ADAMTS3: variants seen among roughly 807,000 people sequenced by gnomAD.
ADAMTS3 encodes the protein ADAM metallopeptidase with thrombospondin type 1 motif 3.
In ADAMTS3, 73 loss-of-function variants were observed where a neutral mutation model predicts 129.0. The observed-to-expected ratio is 0.57, with a 90% CI of 0.47 to 0.69. The LOEUF is 0.69. ADAMTS3 is among the 30% of genes least tolerant of loss of function. The pLI is 0.00. For missense variants in ADAMTS3, 1,457 were observed against 1,514.5 expected, an observed-to-expected ratio of 0.96 and a Z score of 0.63; for synonymous variants, 477 against 510.8, an observed-to-expected ratio of 0.93 and a Z score of 0.89.
intron 3 of ADAMTS3, among the ~76,000 whole-genome samples, chr4:72,485,016 G>A (rs1227188365): frequency 6.6e-6 from 1 of 152,006 alleles, no homozygotes; most frequent in East Asian, 1.9e-4. Flanking sequence ...TCAGTAAGAT[G>A]AAATGGGTTG....
intron 4 of ADAMTS3, among the ~76,000 whole-genome samples, chr4:72,349,038 T>C (rs1720360668): frequency 6.6e-6 from 1 of 151,984 alleles, no homozygotes; most frequent in African/African-American, 2.4e-5. Flanking sequence ...TAGGCATTGT[T>C]TTAAGCTATT....
chr4:72,391,284 T>C (rs1358941420), intron 4 of ADAMTS3, among the ~76,000 whole-genome samples: 1 of 152,256 alleles, frequency 6.6e-6, no homozygotes, highest in African/African-American at 2.4e-5. Context: ...ACTTTGTGTA[T>C]ATTGTCTCTC....
intron 4 of ADAMTS3, among the ~76,000 whole-genome samples, chr4:72,365,061 G>C (rs1156813993): frequency 6.6e-6 from 1 of 152,168 alleles, no homozygotes; most frequent in African/African-American, 2.4e-5. Flanking sequence ...ACAGGGCCTG[G>C]CACATAAGGA....
chr4:72,414,707 G>A (rs1000861653), intron 4 of ADAMTS3, 108 bp downstream of exon 4: 35 of 855,700 alleles, frequency 4.1e-5, no homozygotes, highest in African/African-American at 7.0e-5. Context: ...TTCTATCTCC[G>A]CGTTATACAA....
intron 3 of ADAMTS3, among the ~76,000 whole-genome samples, chr4:72,477,177 T>C (rs1719259947): frequency 6.6e-6 from 1 of 152,136 alleles, no homozygotes; most frequent in African/African-American, 2.4e-5. Flanking sequence ...AACTCAGCTC[T>C]GTACCAAGCG....
At chr4:72,480,559 G>A (rs530530526) in intron 3 of ADAMTS3, among the ~76,000 whole-genome samples, 66 of 151,906 alleles carry the variant, frequency 4.3e-4, no homozygotes, top group African/African-American at 1.3e-3. Flanking sequence ...GTCGGGGGAC[G>A]GGGGAGGGAT....
chr4:72,425,894 C>T lies in ADAMTS3; in HGVS notation c.505-10923G>A, dbSNP rs533293880. 1.2e-3 allele frequency among the ~76,000 whole-genome samples: 181 copies of T among 151,730 alleles called. 1 individual carries two copies. Among genetic ancestry groups the T allele is most frequent in the African/African-American group, 4.0e-3 (164 of 41,384 alleles). On this transcript the variant is annotated intron_variant, in intron 3 of 21. Transcript: ENST00000286657. ...AAATGGTATTTCTAGTTCTAGATCCCTGAGGAATCACCACACTGACTTCCA... is the reference window on the plus strand; with the variant it reads ...AAATGGTATTTCTAGTTCTAGATCCTTGAGGAATCACCACACTGACTTCCA...
In ADAMTS3 at chr4:72,309,380, G is replaced by T. The variant is rs778569091; in HGVS notation, c.2179+17C>A. 6.2e-7 allele frequency: 1 copy of T among 1,610,126 alleles called. No individual in the cohort carries two copies. The highest frequency in any genetic ancestry group is 1.7e-5 in the Admixed American group (1 of 59,836). ...TCACAGAGAAGAATACTAAATCCAT[G>T]AGAGACCTCATCTTACCAAGCTTCC... is the stretch of plus-strand genomic sequence containing the variant. On this transcript the variant is annotated intron_variant, in intron 15 of 21. Coordinates refer to ENST00000286657, the MANE Select transcript of ADAMTS3 (RefSeq NM_014243.3).
chr4:72,351,352 G>T (rs1720430229), intron 4 of ADAMTS3, among the ~76,000 whole-genome samples: 2 of 151,810 alleles, frequency 1.3e-5, no homozygotes, highest in African/African-American at 4.8e-5. Context: ...CATTTAGCTT[G>T]CCCTAAATGA....
At chr4:72,339,283 T>C (rs113136440) in intron 5 of ADAMTS3, among the ~76,000 whole-genome samples, 1 of 152,200 alleles carries the variant, frequency 6.6e-6, no homozygotes, top group Non-Finnish European at 1.5e-5. Context: ...GGAAAACTAC[T>C]TGATCAACCA....
chr4:72,567,515 T>C (rs996136690), intron 1 of ADAMTS3, 114 bp from the exon 2 acceptor site: 2 of 1,054,422 alleles, frequency 1.9e-6, no homozygotes, highest in Admixed American at 2.2e-5. Context: ...CAGGAGATGC[T>C]AGAGACTGGG....
At chr4:72,361,296 GATA>G (rs1378944707) in intron 4 of ADAMTS3, among the ~76,000 whole-genome samples, 3 of 152,020 alleles carry the variant, frequency 2.0e-5, no homozygotes, top group Admixed American at 2.0e-4. Context: ...AAATAAATGA[GATA>G]ATGTATTACA....
intron 3 of ADAMTS3, among the ~76,000 whole-genome samples, chr4:72,475,336 T>C (rs1218491234): frequency 6.6e-6 from 1 of 151,894 alleles, no homozygotes; most frequent in Non-Finnish European, 1.5e-5. Flanking sequence ...GCACATATCA[T>C]TCAAAGAAAA....
At chr4:72,526,568 T>TTGTGTGTGTG (rs1176903062) in intron 3 of ADAMTS3, among the ~76,000 whole-genome samples, 2 of 28,116 alleles carry the variant, frequency 7.1e-5, no homozygotes, top group Admixed American at 1.1e-3. Context: ...CTAATGAAAT[T>TTGTGTGTGTG]TATGTGTGTG....
chr4:72,374,611 T>C (rs557834057), intron 4 of ADAMTS3, among the ~76,000 whole-genome samples: 65 of 152,314 alleles, frequency 4.3e-4, no homozygotes, highest in Middle Eastern at 3.4e-3. Context: ...TACACTAAAT[T>C]TTCTTCCACT....
intron 16 of ADAMTS3, among the ~76,000 whole-genome samples, chr4:72,304,605 T>A (rs537503052): frequency 2.9e-4 from 44 of 152,220 alleles, no homozygotes; most frequent in African/African-American, 1.1e-3. Context: ...CAGAGCCATA[T>A]CACCTACTCA....
At position 72,400,184 on chromosome 4, in the gene ADAMTS3, A is replaced by G. The variant is rs186308277; in HGVS notation, c.661+14631T>C. Among the ~76,000 whole-genome samples the G allele has an allele frequency of 4.1e-3, 477 of 116,904 alleles. 6 individuals carry two copies. Among genetic ancestry groups the G allele is most frequent in the African/African-American group, 0.013 (392 of 29,386 alleles). The allele number at this position is 116,904 out of a possible 152,430, so 76.7% of individuals were successfully genotyped here. ...ATGTGTGTATATATGCACACATGGTATGTATATGTGTGTATATATGCACAC... is the reference window on the plus strand; with the variant it reads ...ATGTGTGTATATATGCACACATGGTGTGTATATGTGTGTATATATGCACAC... On this transcript the variant is annotated intron_variant, in intron 4 of 21. Coordinates refer to ENST00000286657, the MANE Select transcript of ADAMTS3 (RefSeq NM_014243.3).
At chr4:72,562,039 T>G (rs1040911683) in intron 2 of ADAMTS3, among the ~76,000 whole-genome samples, 5 of 152,182 alleles carry the variant, frequency 3.3e-5, no homozygotes, top group African/African-American at 1.2e-4. Flanking sequence ...TATACAACTC[T>G]CAGATTGCAC....
chr4:72,307,807 GTTAA>G (rs1174205572), intron 15 of ADAMTS3, among the ~76,000 whole-genome samples: 2 of 152,036 alleles, frequency 1.3e-5, no homozygotes, highest in South Asian at 2.1e-4. Flanking sequence ...GTTGGAAAAG[GTTAA>G]TTAGTCTATT....
Sources: allele counts gnomAD v4.1 joint callset (sites outside exome capture counted in the v4.1 genomes callset), GRCh38; gene constraint gnomAD v4.1.1; transcripts MANE v1.5; gene names NCBI Gene and HGNC (gene_info 2026-07-23, HGNC 2026-07-21).